The following DMD variants were observed in gnomAD, a reference collection of about 807,000 sequenced individuals.
DMD encodes mutant dystrophin.
DMD carries 63 observed loss-of-function variants against 330.1 expected under a neutral mutation model. The observed-to-expected ratio is 0.19, with a 90% CI of 0.16 to 0.24. The LOEUF (loss-of-function observed/expected upper bound fraction) is 0.24. DMD is among the 10% of genes least tolerant of loss of function. The pLI is 1.00. For missense variants in DMD, 3,344 were observed against 2,684.1 expected (o/e 1.25, Z -5.43); for synonymous variants, 1,223 against 959.8 (o/e 1.27, Z -5.07).
intron 2 of DMD, among the ~76,000 whole-genome samples, chrX:32,938,400 G>A (rs6653893): frequency 0.32 from 35,647 of 110,414 alleles, 4,418 homozygotes; most frequent in African/African-American, 0.43. Flanking sequence ...TCAAAGGACT[G>A]TAGAGCTTTT....
chrX:31,695,807 T>C (rs1863440007), intron 52 of DMD, among the ~76,000 whole-genome samples: 1 of 111,004 alleles, frequency 9.0e-6, no homozygotes, highest in African/African-American at 3.3e-5. Flanking sequence ...CGTTTATCAA[T>C]GGGTACAAAG....
At chrX:32,881,617 T>C (rs1168111646) in intron 2 of DMD, among the ~76,000 whole-genome samples, 14 of 112,467 alleles carry the variant, frequency 1.2e-4, no homozygotes, top group South Asian at 3.7e-4. Flanking sequence ...ATTTTGCCAA[T>C]GTGAAGGAGC....
chrX:32,474,206 CAT>C lies in DMD; in HGVS notation c.2804-1899_2804-1898del, dbSNP rs1252067461. Among the ~76,000 whole-genome samples the C allele has an allele frequency of 9.9e-3, 283 of 28,600 alleles. 4 individuals are homozygous for C. Among genetic ancestry groups the C allele is most frequent in the African/African-American group, 0.014 (246 of 16,986 alleles). 24.8% of individuals were successfully genotyped at this position (28,600 alleles called of 115,157 possible). On this transcript the variant is annotated intron_variant, in intron 21 of 78. Coordinates refer to ENST00000357033, the MANE Select transcript of DMD (RefSeq NM_004006.3). Reference sequence around the variant, plus strand: ...GTATTCCATCATATATACATACATACATACACACACACACACACACACACACA... The same window carrying C: ...GTATTCCATCATATATACATACATACACACACACACACACACACACACACA...
chrX:33,223,576 A>C (rs1192739891), intron 1 of DMD, among the ~76,000 whole-genome samples: 1 of 112,304 alleles, frequency 8.9e-6, no homozygotes, highest in Non-Finnish European at 1.9e-5. Flanking sequence ...ACCTTTCACA[A>C]ACATTAACTC....
At chrX:31,638,220 T>A (rs866512946) in intron 54 of DMD, among the ~76,000 whole-genome samples, 14 of 111,953 alleles carry the variant, frequency 1.3e-4, no homozygotes, top group African/African-American at 4.5e-4. Context: ...TGCCTATAAG[T>A]TTGATCCTGG....
chrX:32,773,700 C>T (rs751590331), intron 7 of DMD, among the ~76,000 whole-genome samples: 27 of 110,291 alleles, frequency 2.4e-4, no homozygotes, highest in Non-Finnish European at 4.5e-4. Context: ...TTTCACTTAA[C>T]AATGTCCTCC....
chrX:31,445,680 C>T (rs1214956161), intron 59 of DMD, among the ~76,000 whole-genome samples: 1 of 111,635 alleles, frequency 9.0e-6, no homozygotes, highest in Non-Finnish European at 1.9e-5. Flanking sequence ...GTAGCAATGA[C>T]TTCAGAAGGC....
intron 1 of DMD, among the ~76,000 whole-genome samples, chrX:33,226,804 T>A (rs938441044): frequency 1.6e-4 from 18 of 110,163 alleles, no homozygotes; most frequent in Admixed American, 8.8e-4. Context: ...CTTTTTTTTT[T>A]AAAAGACAGT....
In DMD at chrX:31,723,597, A is replaced by T. The variant is rs753066006; in HGVS notation, c.7660+6034T>A. 7.3e-5 allele frequency among the ~76,000 whole-genome samples: 7 copies of T among 95,635 alleles called. No individual in the cohort carries two copies. The South Asian group carries it at 3.6e-3, about 49-fold the overall frequency. 83.0% of individuals were successfully genotyped at this position (95,635 alleles called of 115,157 possible). The stretch of plus-strand genomic sequence containing the variant: ...TCTTGCCTTCTAACTGGTCTTACTG[A>T]CTTCATTTACTCCCTTATCCTCCAC... On this transcript the variant is annotated intron_variant, in intron 52 of 78. Coordinates refer to ENST00000357033, the MANE Select transcript of DMD (RefSeq NM_004006.3).
At chrX:32,165,949 C>T (rs917861801) in intron 44 of DMD, among the ~76,000 whole-genome samples, 5 of 110,798 alleles carry the variant, frequency 4.5e-5, no homozygotes, top group African/African-American at 1.6e-4. Flanking sequence ...GAAGGTGCCT[C>T]GCTTCCCCTT....
chrX:32,673,369 A>G (rs2061753185), intron 9 of DMD, among the ~76,000 whole-genome samples: 1 of 111,272 alleles, frequency 9.0e-6, no homozygotes, highest in Non-Finnish European at 1.9e-5. Flanking sequence ...AAATGTTGCC[A>G]CCTACTGGCC....
intron 33 of DMD, among the ~76,000 whole-genome samples, chrX:32,381,208 C>A (rs1227791288): frequency 1.8e-5 from 2 of 111,587 alleles, no homozygotes; most frequent in Non-Finnish European, 3.8e-5. Context: ...TGTCTCACAT[C>A]TGCTCAAAAA....
chrX:33,294,516 T>C (rs866711273), intron 1 of DMD, among the ~76,000 whole-genome samples: 2 of 111,316 alleles, frequency 1.8e-5, no homozygotes, highest in South Asian at 7.3e-4. Flanking sequence ...TTTAGAAAAA[T>C]GAACTCATAT....
intron 60 of DMD, among the ~76,000 whole-genome samples, chrX:31,422,043 A>ATATATTT (rs1556630715): frequency 2.1e-4 from 6 of 28,757 alleles, no homozygotes; most frequent in African/African-American, 4.1e-4. Flanking sequence ...ATATATATAT[A>ATATATTT]TTTTTTTTTT....
chrX:32,544,905 T>A (rs2048825768), intron 17 of DMD, among the ~76,000 whole-genome samples: 1 of 111,048 alleles, frequency 9.0e-6, no homozygotes, highest in Admixed American at 9.6e-5. Context: ...CAGTAGTTTA[T>A]CACCTATAGT....
intron 52 of DMD, among the ~76,000 whole-genome samples, chrX:31,697,075 TA>T (rs2083490078): frequency 1.8e-5 from 2 of 112,245 alleles, no homozygotes; most frequent in Non-Finnish European, 3.8e-5. Context: ...GCTGTTATCC[TA>T]AAAGTGGATC....
At chrX:32,656,655 G>T (rs188281585) in intron 9 of DMD, among the ~76,000 whole-genome samples, 76 of 111,571 alleles carry the variant, frequency 6.8e-4, no homozygotes, top group African/African-American at 2.4e-3. Flanking sequence ...CTCAATGAAG[G>T]TTCCAGTCAT....
chrX:31,493,078 C>T (rs2069465449), intron 57 of DMD, among the ~76,000 whole-genome samples: 1 of 111,562 alleles, frequency 9.0e-6, no homozygotes, highest in South Asian at 3.8e-4. Context: ...CAAAAAGATG[C>T]TTAATTAGAA....
chrX:33,064,449 A>T (rs2094622184), intron 1 of DMD, among the ~76,000 whole-genome samples: 1 of 111,972 alleles, frequency 8.9e-6, no homozygotes, highest in Non-Finnish European at 1.9e-5. Flanking sequence ...TTATATAGTG[A>T]TATGTAATTA....
Sources: allele counts gnomAD v4.1 joint callset (sites outside exome capture counted in the v4.1 genomes callset), GRCh38; gene constraint gnomAD v4.1.1; transcripts MANE v1.5; gene names NCBI Gene and HGNC (gene_info 2026-07-23, HGNC 2026-07-21).